EDIL3: variants seen among roughly 807,000 people sequenced by gnomAD.
EDIL3 encodes EGF like and discoidin domains 3, also known as EGF-like repeat and discoidin I-like domain-containing protein 3.
A neutral mutation model predicts 67.4 loss-of-function variants in EDIL3; 37 were observed. The observed-to-expected ratio is 0.55, with a 90% CI of 0.42 to 0.72. The LOEUF (loss-of-function observed/expected upper bound fraction) is 0.72. Ranked by LOEUF, EDIL3 falls within the 30% of genes least tolerant of loss-of-function variation. The pLI, the probability that EDIL3 is intolerant of heterozygous loss-of-function variation, is 0.00. For missense variants in EDIL3, 527 were observed against 586.3 expected, an observed-to-expected ratio of 0.90 and a Z score of 1.04; for synonymous variants, 195 against 196.3, an observed-to-expected ratio of 0.99 and a Z score of 0.05.
At chr5:84,223,737 T>C (rs1349529493) in intron 3 of EDIL3, among the ~76,000 whole-genome samples, 2 of 151,370 alleles carry the variant, frequency 1.3e-5, no homozygotes, top group Admixed American at 6.6e-5. Flanking sequence ...TATTACGTAA[T>C]AGAAATTTGC....
At chr5:84,168,246 A>G (rs560233300) in intron 4 of EDIL3, among the ~76,000 whole-genome samples, 1 of 152,262 alleles carries the variant, frequency 6.6e-6, no homozygotes, top group African/African-American at 2.4e-5. Context: ...TTTAGCATGT[A>G]ATTATTAGTC....
intron 1 of EDIL3, among the ~76,000 whole-genome samples, chr5:84,299,239 A>T (rs11744567): frequency 0.056 from 8,415 of 149,074 alleles, 432 homozygotes; most frequent in East Asian, 0.31. Flanking sequence ...CACATTTTTT[A>T]AAAAAATGAT....
chr5:84,139,644 G>C (rs375469073), intron 4 of EDIL3, among the ~76,000 whole-genome samples: 1 of 152,198 alleles, frequency 6.6e-6, no homozygotes, highest in African/African-American at 2.4e-5. Flanking sequence ...CGTGTAACTG[G>C]TTAATGTCTT....
intron 1 of EDIL3, among the ~76,000 whole-genome samples, chr5:84,370,104 A>G (rs1488814678): frequency 2.0e-5 from 3 of 152,176 alleles, no homozygotes; most frequent in African/African-American, 7.2e-5. Flanking sequence ...ACCTTTTTAG[A>G]AAGATATGTC....
intron 9 of EDIL3, among the ~76,000 whole-genome samples, chr5:84,034,699 T>A (rs180818690): frequency 1.2e-4 from 18 of 152,310 alleles, no homozygotes; most frequent in Admixed American, 1.2e-3. Context: ...TCCCTTGAGG[T>A]AATGTTGGCT....
chr5:84,074,958 A>C (rs1225405280), intron 6 of EDIL3, among the ~76,000 whole-genome samples: 3 of 152,372 alleles, frequency 2.0e-5, no homozygotes, highest in African/African-American at 7.2e-5. Flanking sequence ...CCGAATGTCC[A>C]ACAATGATAG....
chr5:84,312,390 C>T (rs1472174916), intron 1 of EDIL3, among the ~76,000 whole-genome samples: 1 of 142,496 alleles, frequency 7.0e-6, no homozygotes, highest in Admixed American at 6.9e-5. Flanking sequence ...GGGCTGACTC[C>T]CCCACCACCC....
At chr5:84,369,208 T>C (rs1429332783) in intron 1 of EDIL3, among the ~76,000 whole-genome samples, 6 of 148,252 alleles carry the variant, frequency 4.0e-5, no homozygotes, top group Middle Eastern at 3.6e-3. Context: ...ACTTAGAATA[T>C]ATATGTATAT....
chr5:84,364,392 A>G (rs1239281477), intron 1 of EDIL3, among the ~76,000 whole-genome samples: 4 of 152,190 alleles, frequency 2.6e-5, no homozygotes, highest in Non-Finnish European at 5.9e-5. Context: ...TGCTTTGGAA[A>G]TTGTTACACA....
At chr5:84,133,705 G>A (rs1748039267) in intron 5 of EDIL3, among the ~76,000 whole-genome samples, 1 of 151,758 alleles carries the variant, frequency 6.6e-6, no homozygotes, top group South Asian at 2.1e-4. Flanking sequence ...GTAATGGTGT[G>A]ATAAATACTA....
rs1012304565 is a variant in EDIL3 at position 84,149,937 on chromosome 5, G to A, written c.356-12583C>T. On this transcript the variant is annotated intron_variant, in intron 4 of 10. Coordinates refer to ENST00000296591, the MANE Select transcript of EDIL3 (RefSeq NM_005711.5). ...AATAAAATATACAGAAAAAAATCTGGGCATCAGTGATCAGTGGAACACATA... is the reference window on the plus strand; with the variant it reads ...AATAAAATATACAGAAAAAAATCTGAGCATCAGTGATCAGTGGAACACATA... Among the ~76,000 whole-genome samples, 5 of 151,914 alleles carry A rather than the reference G, an allele frequency of 3.3e-5. No individual in the cohort carries two copies. In the East Asian group the frequency reaches 9.6e-4, roughly 29 times the overall value.
intron 1 of EDIL3, among the ~76,000 whole-genome samples, chr5:84,377,738 T>C (rs1188248514): frequency 1.3e-5 from 2 of 152,216 alleles, no homozygotes; most frequent in East Asian, 3.8e-4. Flanking sequence ...TGAAATATTA[T>C]ATCATATTAA....
At chr5:84,274,978 T>G (rs1745548681) in intron 1 of EDIL3, among the ~76,000 whole-genome samples, 1 of 152,188 alleles carries the variant, frequency 6.6e-6, no homozygotes, top group Non-Finnish European at 1.5e-5. Context: ...TCATAAAATT[T>G]CAGAGACAAA....
intron 6 of EDIL3, among the ~76,000 whole-genome samples, chr5:84,102,707 T>C (rs1278926818): frequency 2.0e-5 from 3 of 151,340 alleles, no homozygotes; most frequent in Admixed American, 6.6e-5. Context: ...TAGAAAACAC[T>C]GGTCCAAGAA....
intron 4 of EDIL3, among the ~76,000 whole-genome samples, chr5:84,179,498 G>C (rs1366222428): frequency 6.6e-6 from 1 of 152,198 alleles, no homozygotes; most frequent in Non-Finnish European, 1.5e-5. Flanking sequence ...AAGTCACAGA[G>C]CCTGAAGGCA....
chr5:84,064,666 A>T, intron 8 of EDIL3, 34 bp downstream of exon 8: 1 of 1,587,370 alleles, frequency 6.3e-7, no homozygotes, highest in Admixed American at 1.8e-5. Flanking sequence ...GTTTTCTTTA[A>T]ATAGAATACA....
At chr5:84,253,138 T>G (rs1402031273) in intron 2 of EDIL3, among the ~76,000 whole-genome samples, 1 of 152,156 alleles carries the variant, frequency 6.6e-6, no homozygotes, top group Non-Finnish European at 1.5e-5. Flanking sequence ...TTAGGTGCAC[T>G]GGGTACAATG....
chr5:84,188,622 C>T (rs534028703), intron 3 of EDIL3, among the ~76,000 whole-genome samples: 1 of 149,958 alleles, frequency 6.7e-6, no homozygotes, highest in Non-Finnish European at 1.5e-5. Flanking sequence ...TGACTATATT[C>T]GGAGATAGGA....
chr5:84,035,042 T>C (rs1745995437), intron 9 of EDIL3, among the ~76,000 whole-genome samples: 3 of 152,128 alleles, frequency 2.0e-5, no homozygotes, highest in Non-Finnish European at 4.4e-5. Flanking sequence ...TGATGTTTTT[T>C]TAAAATTGAG....
Sources: gnomAD v4.1 joint callset for allele counts (sites outside exome capture counted in the v4.1 genomes callset) on GRCh38, gnomAD v4.1.1 for gene constraint, MANE v1.5 for transcripts, NCBI Gene and HGNC (gene_info 2026-07-23, HGNC 2026-07-21) for gene names.